ASTE1: variants seen among roughly 807,000 people sequenced by gnomAD.
The protein encoded by ASTE1 is asteroid structure-specific endonuclease 1, also known as single-strand DNA endonuclease ASTE1.
Under a neutral mutation model 45.8 loss-of-function variants are expected in ASTE1, and 49 were observed. That is an observed-to-expected ratio of 1.07 (90% CI 0.85 to 1.36). The LOEUF (loss-of-function observed/expected upper bound fraction) is 1.36. Among genes scored for constraint, ASTE1 ranks in the 40% most tolerant of loss-of-function variants. ASTE1 has a pLI of 0.00. For missense variants in ASTE1, 709 were observed against 804.0 expected, an observed-to-expected ratio of 0.88 and a Z score of 1.43; for synonymous variants, 296 against 303.9, an observed-to-expected ratio of 0.97 and a Z score of 0.27.
intron 4 of ASTE1, 64 bp downstream of exon 4, chr3:131,018,442 A>T: frequency 1.3e-6 from 2 of 1,493,612 alleles, no homozygotes; most frequent in Admixed American, 3.4e-5. Context: ...TGTTTGTGTA[A>T]ACTCGAGTAA....
chr3:131,025,473 C>T lies in ASTE1; in HGVS notation c.-26+1G>A. ...TAGATATCAACATCATAAATTCTTACCTAGATCCTCAAGCAATGTTAGCTG... is the reference window on the plus strand; with the variant it reads ...TAGATATCAACATCATAAATTCTTATCTAGATCCTCAAGCAATGTTAGCTG... On this transcript the variant is annotated splice_donor_variant, in intron 2 of 5. Transcript: ENST00000264992. LOFTEE classifies it low-confidence loss of function (5UTR_SPLICE). The T allele has an allele frequency of 8.8e-7, 1 of 1,135,068 alleles. No individual in the cohort carries two copies. The allele number at this position is 1,135,068 out of a possible 1,614,324, so 70.3% of individuals were successfully genotyped here. A position where few individuals can be genotyped will look rare whatever the true frequency, so the allele number is the denominator to read the frequency against.
chr3:131,014,450 C>T, intron 5 of ASTE1, 63 bp from the exon 6 acceptor site: 2 of 1,452,594 alleles, frequency 1.4e-6, no homozygotes, highest in Non-Finnish European at 1.9e-6. Context: ...GGATAACTAC[C>T]ATTGACATAG....
chr3:131,015,881 TTAA>T (rs2063601579), intron 5 of ASTE1: 1 of 544,496 alleles, frequency 1.8e-6, no homozygotes, highest in East Asian at 3.9e-5. Flanking sequence ...CTCCCACATA[TTAA>T]TGTATTACTT....
At position 131,014,206 on chromosome 3, in the gene ASTE1, T is replaced by G. The variant is rs1424369237; in HGVS notation, c.1891A>C (p.Lys631Gln). 4 of 1,613,972 alleles carry G rather than the reference T, an allele frequency of 2.5e-6. No homozygotes were observed. The highest frequency in any genetic ancestry group is 3.4e-6 in the Non-Finnish European group (4 of 1,179,994). Residue 631 changes from lysine (K) to glutamine (Q), a missense_variant, in exon 6 of 6, where the codon AAA becomes CAA. Coordinates refer to ENST00000264992, the MANE Select transcript of ASTE1 (RefSeq NM_014065.4). ...LPKGRSNSKK[K>Q]RQKKQNTSCS... is the part of the protein sequence containing the mutation. The stretch of plus-strand genomic sequence containing the variant: ...CTGGTATTCTGTTTCTTCTGCCTTT[T>G]TTTTTTTGAATTTGATCTACCTTTT...
Position 131,024,804 on chromosome 3 carries a change from A to G in ASTE1, c.503T>C (p.Leu168Pro). ...ATTCAATGGGCAAAACCCAGTTTTC[A>G]GGTCAAAAATGCAAAAGTCACTATC... ...SSDSDFCIFD[L>P]KTGFCPLNSF... is the part of the protein sequence containing the mutation. The change falls in exon 3 of 6, where the codon CTG becomes CCG. Residue 168 changes from leucine to proline, a missense_variant. Coordinates refer to ENST00000264992, the MANE Select transcript of ASTE1 (RefSeq NM_014065.4). The G allele has an allele frequency of 1.2e-6, 2 of 1,614,172 alleles. No individual in the cohort carries two copies. The highest frequency in any genetic ancestry group is 1.7e-6 in the Non-Finnish European group (2 of 1,180,028).
chr3:131,018,206 A>T (rs190555728), intron 4 of ASTE1, among the ~76,000 whole-genome samples: 1 of 152,296 alleles, frequency 6.6e-6, no homozygotes, highest in Admixed American at 6.5e-5. Context: ...GGCAAAATAC[A>T]CTGTCACAAT....
At chr3:131,016,117 T>A in intron 5 of ASTE1, 27 bp downstream of exon 5, 1 of 1,611,618 alleles carries the variant, frequency 6.2e-7, no homozygotes, top group East Asian at 2.2e-5. Flanking sequence ...TGCTTCCATC[T>A]GAACTAAAGT....
chr3:131,024,650 C>T lies in ASTE1; in HGVS notation c.657G>A (p.Ala219=), dbSNP rs746145031. 25 of 1,595,196 alleles carry T rather than the reference C, an allele frequency of 1.6e-5. No homozygotes were observed. In the Admixed American group the frequency reaches 3.3e-4, roughly 21 times the overall value. ...TAACATGGTCATTTCCACATAGCAC[C>T]GCAAAGAGAGGTAGTAGAGCTTTAT... is the stretch of plus-strand genomic sequence containing the variant. ...NMNKALLPLF[A]VLCGNDHVNL... is the part of the protein sequence containing the mutation. The change falls in exon 3 of 6, where the codon GCG becomes GCA. Residue 219 remains alanine (A), a synonymous_variant. Coordinates refer to ENST00000264992, the MANE Select transcript of ASTE1 (RefSeq NM_014065.4).
intron 3 of ASTE1, among the ~76,000 whole-genome samples, chr3:131,020,296 C>G (rs369219246): frequency 6.6e-6 from 1 of 152,226 alleles, no homozygotes; most frequent in African/African-American, 2.4e-5. Flanking sequence ...ACTCACAGCC[C>G]TTAACGTTAG....
chr3:131,019,842 C>T (rs1001395728), intron 3 of ASTE1, among the ~76,000 whole-genome samples: 6 of 152,078 alleles, frequency 3.9e-5, no homozygotes, highest in East Asian at 3.9e-4. Context: ...TTAAATAGTA[C>T]GATTATTTCT....
intron 3 of ASTE1, 67 bp from the exon 4 acceptor site, chr3:131,018,783 A>G: frequency 6.6e-7 from 1 of 1,503,838 alleles, no homozygotes; most frequent in Non-Finnish European, 9.1e-7. Flanking sequence ...TTTTTCCACC[A>G]TAGCATGAAG....
chr3:131,025,207 C>T lies in ASTE1; in HGVS notation c.100G>A (p.Ala34Thr), dbSNP rs781210609. Residue 34 changes from alanine (A) to threonine (T), a missense_variant, in exon 3 of 6, where the codon GCT becomes ACT. Physicochemically the swap from Ala to Thr is moderately conservative, Grantham distance 58. Transcript: ENST00000264992. ...CTGAAGCAAAGACGGTGGAAAAGAG[C>T]ATAACCATCAATGACAATTTTTGTG... ...RDTKIVIDGY[A>T]LFHRLCFSSN... 6.2e-6 allele frequency: 10 copies of T among 1,614,054 alleles called. No individual in the cohort carries two copies. In the South Asian group the frequency reaches 1.1e-4, roughly 18 times the overall value.
chr3:131,017,757 G>A (rs2063675759), intron 4 of ASTE1, among the ~76,000 whole-genome samples: 1 of 151,948 alleles, frequency 6.6e-6, no homozygotes, highest in Admixed American at 6.6e-5. Flanking sequence ...GGATCACAAG[G>A]TCAGGAGTTC....
At position 131,017,076 on chromosome 3, in the gene ASTE1, C is replaced by T. The variant is rs377590658; in HGVS notation, c.1514-737G>A. On this transcript the variant is annotated intron_variant, in intron 4 of 5. Transcript: ENST00000264992. The stretch of plus-strand genomic sequence containing the variant: ...TAAAAGAAAAGAAACAGACCCTTGA[C>T]ATGCCCCTTCTCTTGGACTCAGGTA... 2.6e-4 allele frequency: 332 copies of T among 1,286,080 alleles called. 1 individual carries two copies. Among genetic ancestry groups the T allele is most frequent in the Middle Eastern group, 4.3e-4 (2 of 4,688 alleles). The allele number at this position is 1,286,080 out of a possible 1,614,324, so 79.7% of individuals were successfully genotyped here. A position where few individuals can be genotyped will look rare whatever the true frequency, so the allele number is the denominator to read the frequency against.
chr3:131,024,741 G>A lies in ASTE1; in HGVS notation c.566C>T (p.Thr189Ile), dbSNP rs753479020. 2 of 1,611,818 alleles carry A rather than the reference G, an allele frequency of 1.2e-6. No homozygotes were observed. The highest frequency in any genetic ancestry group is 1.7e-6 in the Non-Finnish European group (2 of 1,178,938). ...GCATTTGGCAGGGATATAGTTTTGT[G>A]TGCCCTTAATAGTGTTCATATTTCT... ...QWRNMNTIKG[T>I]QNYIPAKCFS... The change falls in exon 3 of 6, where the codon ACA becomes ATA. Residue 189 changes from threonine (T) to isoleucine (I), a missense_variant. Physicochemically the swap from Thr to Ile is moderately conservative, Grantham distance 89. Coordinates refer to ENST00000264992, the MANE Select transcript of ASTE1 (RefSeq NM_014065.4).
intron 5 of ASTE1, chr3:131,015,108 C>G (rs1182409185): frequency 1.7e-6 from 1 of 604,940 alleles, no homozygotes; most frequent in Non-Finnish European, 2.9e-6. Flanking sequence ...GCCAATTAGT[C>G]TTATTTGTGT....
intron 5 of ASTE1, 132 bp downstream of exon 5, chr3:131,016,012 A>G (rs1361173986): frequency 2.6e-6 from 3 of 1,159,126 alleles, no homozygotes; most frequent in African/African-American, 1.5e-5. Flanking sequence ...CTCAAAATCA[A>G]TTACATTAAG....
chr3:131,025,918 T>A (rs1324123851), intron 1 of ASTE1, among the ~76,000 whole-genome samples: 1 of 152,346 alleles, frequency 6.6e-6, no homozygotes, highest in South Asian at 2.1e-4. Context: ...TAAGGAAAAC[T>A]GCTTCATGCC....
chr3:131,014,497 T>TGTTTA, intron 5 of ASTE1, 110 bp from the exon 6 acceptor site: 5 of 1,011,132 alleles, frequency 4.9e-6, no homozygotes, highest in Non-Finnish European at 7.1e-6. Context: ...GAGCTCTTAT[T>TGTTTA]GCTCTATAAT....
Sources: allele counts gnomAD v4.1 joint callset (sites outside exome capture counted in the v4.1 genomes callset), GRCh38; gene constraint gnomAD v4.1.1; transcripts MANE v1.5; gene names NCBI Gene and HGNC (gene_info 2026-07-23, HGNC 2026-07-21).